TRAPPC8: variants seen among roughly 807,000 people sequenced by gnomAD.
The protein encoded by TRAPPC8 is trafficking protein particle complex subunit 8.
TRAPPC8 carries 54 observed loss-of-function variants against 174.3 expected under a neutral mutation model. The ratio of observed to expected loss-of-function variants is 0.31; its 90% CI spans 0.25 to 0.39. The LOEUF (loss-of-function observed/expected upper bound fraction) is 0.39, where lower values mean the gene tolerates loss of function less well. Ranked by LOEUF, TRAPPC8 falls within the 10% of genes least tolerant of loss-of-function variation. The pLI is 1.00. For synonymous variants in TRAPPC8, 630 were observed against 579.9 expected (o/e 1.09, Z -1.24); for missense variants, 1,531 against 1,699.1 (o/e 0.90, Z 1.74).
intron 11 of TRAPPC8, among the ~76,000 whole-genome samples, chr18:31,893,899 C>T (rs1449811397): frequency 1.3e-5 from 2 of 152,180 alleles, no homozygotes; most frequent in Non-Finnish European, 2.9e-5. Flanking sequence ...TGAAGCTTCA[C>T]TAAACTGCAA....
In TRAPPC8 at chr18:31,839,350, G is replaced by A; in HGVS notation, c.3945C>T (p.His1315=). The change falls in exon 27 of 29, where the codon CAC becomes CAT. Residue 1315 remains histidine, a synonymous_variant. Transcript: ENST00000283351. The part of the protein sequence containing the change: ...QLSSLIKTSL[H]YPESFNHPFH... ...ATGGATGATTAAATGATTCTGGGTA[G>A]TGAAGACTCGTTTTAATGAGACTAG... The A allele has an allele frequency of 2.5e-6, 4 of 1,610,778 alleles. No individual in the cohort carries two copies. The highest frequency in any genetic ancestry group is 3.4e-6 in the Non-Finnish European group (4 of 1,178,512).
chr18:31,942,560 G>T lies in TRAPPC8; in HGVS notation c.157+48C>A. On this transcript the variant is annotated intron_variant, in intron 1 of 28. Transcript: ENST00000283351. ...TGCCCGCCCGCAACTTCCTTCTCCC[G>T]ACCACGGCTTTGCGGGAGCCCACTG... 3.4e-6 allele frequency: 5 copies of T among 1,481,256 alleles called. No individual in the cohort carries two copies. The South Asian group carries it at 5.3e-5, about 16-fold the overall frequency. The allele number at this position is 1,481,256 out of a possible 1,614,324, so 91.8% of individuals were successfully genotyped here.
intron 11 of TRAPPC8, among the ~76,000 whole-genome samples, chr18:31,893,617 C>T (rs1007406023): frequency 2.6e-5 from 4 of 152,046 alleles, no homozygotes; most frequent in African/African-American, 7.2e-5. Flanking sequence ...CTCATTCCAG[C>T]CCATTAATAT....
At chr18:31,873,007 CTTTTTTTTTTTTTTTTTT>C (rs59209328) in intron 14 of TRAPPC8, among the ~76,000 whole-genome samples, 1 of 74,600 alleles carries the variant, frequency 1.3e-5, no homozygotes, top group African/African-American at 5.9e-5. Flanking sequence ...ATTCATTTTC[CTTTTTTTTTTTTTTTTTT>C]TTTTTTTTTT....
At chr18:31,909,859 G>A in intron 5 of TRAPPC8, 99 bp from the exon 6 acceptor site, 1 of 779,822 alleles carries the variant, frequency 1.3e-6, no homozygotes, top group African/African-American at 1.8e-5. Flanking sequence ...GCTAACTGTT[G>A]GCCTCATTTA....
chr18:31,940,733 G>C (rs1190777942), intron 1 of TRAPPC8, among the ~76,000 whole-genome samples: 2 of 152,064 alleles, frequency 1.3e-5, no homozygotes, highest in South Asian at 4.2e-4. Flanking sequence ...TCCTGACCTC[G>C]TGATCCACCC....
chr18:31,858,058 C>CTTT (rs34631623), intron 19 of TRAPPC8, 76 bp from the exon 20 acceptor site: 609 of 976,744 alleles, frequency 6.2e-4, no homozygotes, highest in African/African-American at 1.4e-3. Flanking sequence ...CTTTAAGACA[C>CTTT]TTTTTTTTTT....
Position 31,916,414 on chromosome 18 carries a change from G to A in TRAPPC8, c.475C>T (p.Pro159Ser), listed in dbSNP as rs765446752. 1 of 1,612,480 alleles carries A rather than the reference G, an allele frequency of 6.2e-7. No individual in the cohort carries two copies. Among genetic ancestry groups the A allele is most frequent in the Non-Finnish European group, 8.5e-7 (1 of 1,179,536 alleles). The change falls in exon 4 of 29, where the codon CCT becomes TCT. Residue 159 changes from proline to serine, a missense_variant. Coordinates refer to ENST00000283351, the MANE Select transcript of TRAPPC8 (RefSeq NM_014939.5). ...GACAACTTTGAAAACTGTTCCACAGGTTCAGCTTCACTAGATGACGCTACC... is the reference window on the plus strand; with the variant it reads ...GACAACTTTGAAAACTGTTCCACAGATTCAGCTTCACTAGATGACGCTACC... ...MLVASSSEAE[P>S]VEQFSKLSQE... is the part of the protein sequence containing the mutation.
chr18:31,895,840 T>C (rs1014037395), intron 11 of TRAPPC8: 2 of 152,198 alleles, frequency 1.3e-5, no homozygotes, highest in Non-Finnish European at 2.9e-5. Flanking sequence ...TTCATATTTA[T>C]TAGTCAGTGT....
At chr18:31,906,432 A>G (rs181135949) in intron 9 of TRAPPC8, among the ~76,000 whole-genome samples, 39 of 152,186 alleles carry the variant, frequency 2.6e-4, no homozygotes, top group Non-Finnish European at 1.6e-4. Context: ...TATGCACAGT[A>G]TTAAAATAAA....
intron 2 of TRAPPC8, among the ~76,000 whole-genome samples, chr18:31,922,711 C>T (rs562218949): frequency 3.3e-5 from 5 of 151,982 alleles, no homozygotes; most frequent in African/African-American, 1.2e-4. Flanking sequence ...GAAATAGCAA[C>T]CATGTTTTCC....
chr18:31,908,428 A>G lies in TRAPPC8; in HGVS notation c.1123-10T>C, dbSNP rs1183050155. On this transcript the variant is annotated splice_polypyrimidine_tract_variant and intron_variant, in intron 7 of 28. Coordinates refer to ENST00000283351, the MANE Select transcript of TRAPPC8 (RefSeq NM_014939.5). ...CTTTTCTTGATATTAGCTTTAAAAAAGAGATTAAATATGTTGACAAACAAA... is the reference window on the plus strand; with the variant it reads ...CTTTTCTTGATATTAGCTTTAAAAAGGAGATTAAATATGTTGACAAACAAA... 3.0e-5 allele frequency: 46 copies of G among 1,515,344 alleles called. No homozygotes were observed. The highest frequency in any genetic ancestry group is 4.0e-5 in the Non-Finnish European group (45 of 1,117,852). 93.9% of individuals were successfully genotyped at this position (1,515,344 alleles called of 1,614,324 possible). A position where few individuals can be genotyped will look rare whatever the true frequency, so the allele number is the denominator to read the frequency against.
In TRAPPC8 at chr18:31,830,735, C is replaced by T; in HGVS notation, c.*20G>A. ...AGCAAAAACTGATTATTGTGGATTT[C>T]AGTACAAATTTCCAAGTTGTCACAC... On this transcript the variant is annotated 3_prime_UTR_variant, in exon 29 of 29. Transcript: ENST00000283351. 1 of 1,600,050 alleles carries T rather than the reference C, an allele frequency of 6.2e-7. No individual in the cohort carries two copies. The highest frequency in any genetic ancestry group is 8.5e-7 in the Non-Finnish European group (1 of 1,169,704).
At chr18:31,919,499 CTCCAGCCTGGGCAATA>C (rs143269070) in intron 2 of TRAPPC8, among the ~76,000 whole-genome samples, 3,641 of 150,470 alleles carry the variant, frequency 0.024, 71 homozygotes, top group Non-Finnish European at 0.036. Flanking sequence ...CGTCACTGTA[CTCCAGCCTGGGCAATA>C]GAGTGAGACT....
chr18:31,899,563 G>A (rs187870835), intron 10 of TRAPPC8, among the ~76,000 whole-genome samples: 38 of 152,182 alleles, frequency 2.5e-4, no homozygotes, highest in African/African-American at 8.2e-4. Flanking sequence ...TAATCTTTCC[G>A]AAAAATAACT....
chr18:31,885,486 G>A (rs1414184092), intron 12 of TRAPPC8, among the ~76,000 whole-genome samples: 1 of 151,930 alleles, frequency 6.6e-6, no homozygotes, highest in Non-Finnish European at 1.5e-5. Context: ...TTACACAGTA[G>A]CTCTGTATCA....
At chr18:31,914,575 A>G (rs2037053286) in intron 4 of TRAPPC8, among the ~76,000 whole-genome samples, 1 of 152,228 alleles carries the variant, frequency 6.6e-6, no homozygotes, top group South Asian at 2.1e-4. Flanking sequence ...AAAATATCCT[A>G]AAGATTAGTA....
chr18:31,924,897 C>A (rs2037549111), intron 2 of TRAPPC8, among the ~76,000 whole-genome samples: 1 of 151,890 alleles, frequency 6.6e-6, no homozygotes, highest in Admixed American at 6.6e-5. Flanking sequence ...AAACAATTTC[C>A]CACAACCAAA....
intron 1 of TRAPPC8, among the ~76,000 whole-genome samples, chr18:31,936,635 C>T (rs960964354): frequency 3.3e-5 from 5 of 152,046 alleles, no homozygotes; most frequent in African/African-American, 1.2e-4. Context: ...GACGCAGTGG[C>T]TCATGCCTGT....
Sources: allele counts gnomAD v4.1 joint callset (sites outside exome capture counted in the v4.1 genomes callset), GRCh38; gene constraint gnomAD v4.1.1; transcripts MANE v1.5; gene names NCBI Gene and HGNC (gene_info 2026-07-23, HGNC 2026-07-21).